The following COPS2 variants were observed in gnomAD, a reference collection of about 807,000 sequenced individuals.
COPS2 encodes COP9 signalosome subunit 2.
In COPS2, 10 loss-of-function variants were observed where a neutral mutation model predicts 66.1. That is an observed-to-expected ratio of 0.15 (90% CI 0.09 to 0.26). The LOEUF (loss-of-function observed/expected upper bound fraction) is 0.26. COPS2 is among the 10% of genes least tolerant of loss of function. The pLI, the probability that COPS2 is intolerant of heterozygous loss-of-function variation, is 1.00. For missense variants in COPS2, 215 were observed against 513.3 expected (o/e 0.42, Z 5.62); for synonymous variants, 179 against 171.3 (o/e 1.04, Z -0.35).
chr15:49,148,240 C>G (rs982019899), intron 1 of COPS2, among the ~76,000 whole-genome samples: 1 of 152,058 alleles, frequency 6.6e-6, no homozygotes, highest in Admixed American at 6.6e-5. Flanking sequence ...AATTAACAAC[C>G]CTTCCCCTCA....
At chr15:49,132,913 T>C (rs1358904644) in intron 9 of COPS2, among the ~76,000 whole-genome samples, 1 of 151,976 alleles carries the variant, frequency 6.6e-6, no homozygotes, top group Non-Finnish European at 1.5e-5. Context: ...AATCATTCAA[T>C]AAATCTTGGG....
intron 3 of COPS2, among the ~76,000 whole-genome samples, chr15:49,142,884 A>G (rs998945392): frequency 6.6e-6 from 1 of 152,064 alleles, no homozygotes; most frequent in African/African-American, 2.4e-5. Flanking sequence ...ACAACGAATA[A>G]CACAAAGTCC....
At chr15:49,140,273 G>A (rs2084282239) in intron 3 of COPS2, among the ~76,000 whole-genome samples, 2 of 152,020 alleles carry the variant, frequency 1.3e-5, no homozygotes, top group Admixed American at 1.3e-4. Context: ...GGAATTACAG[G>A]TGTGAGCCAC....
intron 1 of COPS2, among the ~76,000 whole-genome samples, chr15:49,151,317 T>C (rs1230890730): frequency 6.6e-6 from 1 of 151,644 alleles, no homozygotes; most frequent in Admixed American, 6.6e-5. Flanking sequence ...GGAGAATTGC[T>C]TGAACCCAGA....
intron 6 of COPS2, among the ~76,000 whole-genome samples, chr15:49,136,135 C>T (rs560326186): frequency 6.6e-6 from 1 of 151,898 alleles, no homozygotes; most frequent in Non-Finnish European, 1.5e-5. Flanking sequence ...ATCGTTTCTC[C>T]CATTCACAGA....
At position 49,126,161 on chromosome 15, in the gene COPS2, A is replaced by G. The variant is rs2141120212; in HGVS notation, c.*1789T>C. On this transcript the variant is annotated 3_prime_UTR_variant, in exon 13 of 13. Coordinates refer to ENST00000388901, the MANE Select transcript of COPS2 (RefSeq NM_004236.4). ...ACTTTTCACAAATGATTTATGTAAAAGAGAAAATACACATAATTTTATAAT... is the reference window on the plus strand; with the variant it reads ...ACTTTTCACAAATGATTTATGTAAAGGAGAAAATACACATAATTTTATAAT... The G allele has an allele frequency of 6.6e-6, 1 of 152,608 alleles. No homozygotes were observed. The highest frequency in any genetic ancestry group is 6.5e-5 in the Admixed American group (1 of 15,288). The allele number at this position is 152,608 out of a possible 1,614,324, so 9.5% of individuals were successfully genotyped here. A position where few individuals can be genotyped will look rare whatever the true frequency, so the allele number is the denominator to read the frequency against.
intron 9 of COPS2, among the ~76,000 whole-genome samples, chr15:49,131,814 A>G (rs1200222845): frequency 6.6e-6 from 1 of 152,198 alleles, no homozygotes; most frequent in African/African-American, 2.4e-5. Context: ...ACCGTAAGAC[A>G]TTCTTCCATT....
intron 1 of COPS2, among the ~76,000 whole-genome samples, chr15:49,155,149 G>A (rs962754194): frequency 6.6e-5 from 10 of 152,356 alleles, no homozygotes; most frequent in African/African-American, 2.2e-4. Context: ...GGCCCGGAAC[G>A]CTGGGCCCGA....
intron 3 of COPS2, 93 bp downstream of exon 3, chr15:49,144,133 GT>G (rs2141130614): frequency 1.2e-6 from 1 of 805,764 alleles, no homozygotes; most frequent in East Asian, 2.5e-5. Flanking sequence ...ATCCAAAGAA[GT>G]ACTTTAGAAA....
rs1306575705 is a variant in COPS2, at chr15:49,124,910, T to C, written c.*3040A>G. The stretch of plus-strand genomic sequence containing the variant: ...ACTAGGCAAATAATTTTTTGTCTTA[T>C]GGACTAACTGCTTCACCCATAGATT... On this transcript the variant is annotated 3_prime_UTR_variant, in exon 13 of 13. Transcript: ENST00000388901. 2 of 152,198 alleles carry C rather than the reference T, an allele frequency of 1.3e-5. No homozygotes were observed. The highest frequency in any genetic ancestry group is 4.8e-5 in the African/African-American group (2 of 41,452). The allele number at this position is 152,198 out of a possible 1,614,324, so 9.4% of individuals were successfully genotyped here.
At chr15:49,152,562 C>T (rs150547785) in intron 1 of COPS2, among the ~76,000 whole-genome samples, 12 of 152,162 alleles carry the variant, frequency 7.9e-5, no homozygotes, top group South Asian at 2.1e-4. Flanking sequence ...TGACTAACAC[C>T]GGTAATCCCA....
intron 6 of COPS2, among the ~76,000 whole-genome samples, chr15:49,135,572 A>T (rs1295303122): frequency 6.6e-6 from 1 of 152,166 alleles, no homozygotes; most frequent in Non-Finnish European, 1.5e-5. Context: ...AAAAGTGCTG[A>T]CATTTGAGCA....
In COPS2 at chr15:49,123,272, T is replaced by C. The variant is rs1342763998; in HGVS notation, c.*4678A>G. On this transcript the variant is annotated 3_prime_UTR_variant, in exon 13 of 13. Transcript: ENST00000388901. ...ACTTTTTCTAAACTCTAAACTCCCA[T>C]AAAATGGATGTACAATAAAACAACC... 6.6e-6 allele frequency: 1 copy of C among 152,184 alleles called. No individual in the cohort carries two copies. 9.4% of individuals were successfully genotyped at this position (152,184 alleles called of 1,614,324 possible).
intron 7 of COPS2, 104 bp from the exon 8 acceptor site, chr15:49,134,212 T>C (rs2084234965): frequency 7.1e-7 from 1 of 1,408,720 alleles, no homozygotes; most frequent in African/African-American, 1.4e-5. Flanking sequence ...TGCCTTTCAG[T>C]TTTTAAATTC....
intron 1 of COPS2, among the ~76,000 whole-genome samples, chr15:49,154,543 C>CA (rs2084395943): frequency 6.6e-6 from 1 of 152,056 alleles, no homozygotes; most frequent in African/African-American, 2.4e-5. Context: ...TCAGACGTCC[C>CA]AAAACATCTA....
intron 1 of COPS2, among the ~76,000 whole-genome samples, chr15:49,154,539 G>T (rs1355949802): frequency 3.3e-5 from 5 of 152,006 alleles, no homozygotes; most frequent in Non-Finnish European, 7.4e-5. Context: ...TGAGTCAGAC[G>T]TCCCAAAACA....
In COPS2 at chr15:49,127,809, T is replaced by C; in HGVS notation, c.*141A>G. On this transcript the variant is annotated 3_prime_UTR_variant, in exon 13 of 13. Transcript: ENST00000388901. The stretch of plus-strand genomic sequence containing the variant: ...AATGCAGCAGCAAAACACAAACCAG[T>C]TGATCAAAAAAGCACTTCTGCCATA... 1 of 868,064 alleles carries C rather than the reference T, an allele frequency of 1.2e-6. No individual in the cohort carries two copies. Among genetic ancestry groups the C allele is most frequent in the African/African-American group, 1.7e-5 (1 of 58,678 alleles). The allele number at this position is 868,064 out of a possible 1,614,324, so 53.8% of individuals were successfully genotyped here.
Position 49,125,766 on chromosome 15 carries a change from T to C in COPS2, c.*2184A>G, listed in dbSNP as rs951550935. ...GTAAACAAAGCTATGTAATACACAA[T>C]TACAATAAATTATTATGGTATAACT... On this transcript the variant is annotated 3_prime_UTR_variant, in exon 13 of 13. Transcript: ENST00000388901. 3.3e-5 allele frequency: 5 copies of C among 152,198 alleles called. No individual in the cohort carries two copies. Among genetic ancestry groups the C allele is most frequent in the Admixed American group, 3.3e-4 (5 of 15,298 alleles). The allele number at this position is 152,198 out of a possible 1,614,324, so 9.4% of individuals were successfully genotyped here. A position where few individuals can be genotyped will look rare whatever the true frequency, so the allele number is the denominator to read the frequency against.
intron 9 of COPS2, among the ~76,000 whole-genome samples, chr15:49,132,249 T>C (rs919640801): frequency 1.3e-5 from 2 of 151,966 alleles, no homozygotes; most frequent in Admixed American, 6.6e-5. Flanking sequence ...AGCAACCTAA[T>C]TCAACAAATA....
Sources: allele counts gnomAD v4.1 joint callset (sites outside exome capture counted in the v4.1 genomes callset), GRCh38; gene constraint gnomAD v4.1.1; transcripts MANE v1.5; gene names NCBI Gene and HGNC (gene_info 2026-07-23, HGNC 2026-07-21).